The following GTF2IRD1 variants were observed in gnomAD, a reference collection of about 807,000 sequenced individuals.
GTF2IRD1 encodes GTF2I repeat domain containing 1, also known as general transcription factor II-I repeat domain-containing protein 1.
GTF2IRD1 carries 26 observed loss-of-function variants against 113.2 expected under a neutral mutation model. The observed-to-expected ratio is 0.23, with a 90% confidence interval of 0.17 to 0.32. The LOEUF is 0.32. Among genes scored for constraint, GTF2IRD1 ranks in the 10% least tolerant of loss-of-function variants. The probability of loss-of-function intolerance (pLI) is 1.00; values close to 1 mark genes in which losing one functional copy is unlikely to be tolerated. For missense variants in GTF2IRD1, 864 were observed against 1,280.8 expected (o/e 0.67, Z 4.97); for synonymous variants, 484 against 529.1 (o/e 0.91, Z 1.17).
chr7:74,575,680 A>G (rs1554364310), intron 22 of GTF2IRD1, among the ~76,000 whole-genome samples: 1 of 152,168 alleles, frequency 6.6e-6, no homozygotes, highest in African/African-American at 2.4e-5. Flanking sequence ...TCAGAGGTTC[A>G]GGCTGAACTT....
intron 1 of GTF2IRD1, among the ~76,000 whole-genome samples, chr7:74,458,166 C>T (rs189047943): frequency 4.0e-4 from 61 of 152,192 alleles, no homozygotes; most frequent in Non-Finnish European, 7.2e-4. Context: ...ACACTGCGCC[C>T]GGTCCTGAGT....
intron 1 of GTF2IRD1, among the ~76,000 whole-genome samples, chr7:74,491,641 C>T (rs964066061): frequency 1.3e-5 from 2 of 152,134 alleles, no homozygotes; most frequent in African/African-American, 2.4e-5. Flanking sequence ...ATCCATGTCC[C>T]TGCAAAGAAC....
intron 1 of GTF2IRD1, among the ~76,000 whole-genome samples, chr7:74,471,315 C>T (rs977125048): frequency 3.2e-4 from 48 of 151,968 alleles, no homozygotes; most frequent in African/African-American, 9.7e-4. Flanking sequence ...GCAGGAGGAT[C>T]GCTTGAGGTC....
intron 8 of GTF2IRD1, among the ~76,000 whole-genome samples, chr7:74,525,022 G>A (rs1157558416): frequency 6.6e-6 from 1 of 152,126 alleles, no homozygotes; most frequent in Admixed American, 6.6e-5. Flanking sequence ...GGGTGACAGA[G>A]CGAGACCCTA....
intron 1 of GTF2IRD1, among the ~76,000 whole-genome samples, chr7:74,477,838 G>A (rs928138533): frequency 1.3e-5 from 2 of 152,082 alleles, no homozygotes; most frequent in African/African-American, 4.8e-5. Flanking sequence ...GCTTTTTTCC[G>A]TCCAGCCTTT....
rs1799531558 is a variant in GTF2IRD1 at position 74,555,392 on chromosome 7, G to T, written c.1967-46G>T. On this transcript the variant is annotated intron_variant, in intron 18 of 26. Transcript: ENST00000424337. This position sits in a 1 kb window ranked among gnomAD's most constrained non-coding sequence, Gnocchi z 5.3. The stretch of plus-strand genomic sequence containing the variant: ...CCTAACGATGCCATCTTGGGTCCCA[G>T]GAACTGCCTCCTCACTTGGCTTCTC... The T allele has an allele frequency of 6.2e-7, 1 of 1,610,870 alleles. No homozygotes were observed. Among genetic ancestry groups the T allele is most frequent in the Non-Finnish European group, 8.5e-7 (1 of 1,177,074 alleles).
chr7:74,559,741 C>G lies in GTF2IRD1; in HGVS notation c.2320+86C>G, dbSNP rs1799837154. 4 of 1,154,764 alleles carry G rather than the reference C, an allele frequency of 3.5e-6. No individual in the cohort carries two copies. In the South Asian group the frequency reaches 6.4e-5, roughly 19 times the overall value. 71.5% of individuals were successfully genotyped at this position (1,154,764 alleles called of 1,614,324 possible). On this transcript the variant is annotated intron_variant, in intron 22 of 26. Transcript: ENST00000424337. ...CTGGAGCTAAGCCTGCTGTGGGGCA[C>G]AGGTTCTGGGGTCTGGGAACAGAAG...
At chr7:74,574,707 C>T (rs1800916323) in intron 22 of GTF2IRD1, among the ~76,000 whole-genome samples, 1 of 151,444 alleles carries the variant, frequency 6.6e-6, no homozygotes, top group African/African-American at 2.4e-5. Flanking sequence ...GTAATCCACA[C>T]ACCTCTAACT....
At position 74,555,460 on chromosome 7, in the gene GTF2IRD1, G is replaced by C. The variant is rs781878498; in HGVS notation, c.1989G>C (p.Leu663=). ...CAGAGAGGGATTCCGGGGACCCTCT[G>C]GTGGACGAGAGCCTGAAGAGACAGG... The part of the protein sequence containing the change: ...DSQERDSGDP[L]VDESLKRQGF... Residue 663 remains leucine (L), a synonymous_variant, in exon 19 of 27, where the codon CTG becomes CTC. Transcript: ENST00000424337. The surrounding 1 kb of genome is among the most constrained non-coding windows in gnomAD (Gnocchi z 5.3). The C allele has an allele frequency of 2.5e-6, 4 of 1,613,130 alleles. No individual in the cohort carries two copies. Among genetic ancestry groups the C allele is most frequent in the African/African-American group, 1.3e-5 (1 of 74,900 alleles).
chr7:74,584,241 C>G (rs1293382226), intron 22 of GTF2IRD1, among the ~76,000 whole-genome samples: 1 of 152,074 alleles, frequency 6.6e-6, no homozygotes, highest in South Asian at 2.1e-4. Flanking sequence ...GTCAGGAGTT[C>G]GAGACTGGCC....
chr7:74,578,210 C>T (rs1262593546), intron 22 of GTF2IRD1, among the ~76,000 whole-genome samples: 1 of 152,138 alleles, frequency 6.6e-6, no homozygotes, highest in South Asian at 2.1e-4. Flanking sequence ...GAGACGGAGT[C>T]TCGCACTGTC....
At chr7:74,571,014 C>T in intron 22 of GTF2IRD1, 1 of 797,744 alleles carries the variant, frequency 1.3e-6, no homozygotes, top group Non-Finnish European at 1.5e-6. Context: ...GGACCCAGGC[C>T]AGCTTCCGCT....
rs782187064 is a variant in GTF2IRD1, at chr7:74,601,144, G to A, written c.2730G>A (p.Pro910=). The A allele has an allele frequency of 3.9e-5, 63 of 1,609,112 alleles. No individual in the cohort carries two copies. The highest frequency in any genetic ancestry group is 2.7e-4 in the East Asian group (12 of 44,818). Residue 910 remains proline, a synonymous_variant, in exon 26 of 27, where the codon CCG becomes CCA. Coordinates refer to ENST00000424337, the MANE Select transcript of GTF2IRD1 (RefSeq NM_005685.4). ...SSSSSSSSSN[P]DSVASANQIS... ...CTTCCTCTTCCTCGTCCTCTAACCC[G>A]GATTCAGTGGCATCGGCCAACCAGA...
At chr7:74,573,787 C>T (rs1160022345) in intron 22 of GTF2IRD1, among the ~76,000 whole-genome samples, 1 of 152,130 alleles carries the variant, frequency 6.6e-6, no homozygotes, top group Non-Finnish European at 1.5e-5. Context: ...GCCATGCAGG[C>T]CTAGCCCTCT....
At chr7:74,496,573 G>T (rs201546287) in intron 1 of GTF2IRD1, among the ~76,000 whole-genome samples, 3 of 138,712 alleles carry the variant, frequency 2.2e-5, no homozygotes, top group Non-Finnish European at 4.7e-5. Flanking sequence ...TACATGTGTG[G>T]GTGTGCATGT....
At chr7:74,526,756 T>C (rs1797623445) in intron 8 of GTF2IRD1, among the ~76,000 whole-genome samples, 1 of 151,736 alleles carries the variant, frequency 6.6e-6, no homozygotes, top group African/African-American at 2.4e-5. Flanking sequence ...AAAGGACCAA[T>C]TGCTCAAGGG....
In GTF2IRD1 at chr7:74,518,321, A is replaced by G. The variant is rs797028461; in HGVS notation, c.604A>G (p.Arg202Gly). ...HSHRIRFKLK[R>G]PLEDGGRDSK... ...CCACCGCATCCGCTTCAAGCTCAAG[A>G]GGTGAGTGAGGTAGCCGGCCCGGGG... The change falls in exon 5 of 27, where the codon AGG becomes GGG. Residue 202 changes from arginine (R) to glycine (G), a missense_variant and splice_region_variant. This residue lies in a region of GTF2IRD1 where 195 missense variants were observed against 196.6 expected (regional missense o/e 0.99). Transcript: ENST00000424337. The G allele has an allele frequency of 8.9e-6, 14 of 1,580,714 alleles. No individual in the cohort carries two copies. The African/African-American group carries it at 1.9e-4, about 21-fold the overall frequency.
intron 22 of GTF2IRD1, among the ~76,000 whole-genome samples, chr7:74,568,387 G>A (rs1185191941): frequency 7.8e-4 from 116 of 148,498 alleles, no homozygotes; most frequent in African/African-American, 2.6e-3. Context: ...GGTGGCTCAC[G>A]CCTATAATCC....
At chr7:74,545,831 G>T (rs375385469) in intron 16 of GTF2IRD1, 22 bp downstream of exon 16, 2 of 1,589,174 alleles carry the variant, frequency 1.3e-6, no homozygotes, top group Non-Finnish European at 1.7e-6. Flanking sequence ...GTGGGACAGG[G>T]TCTGGGGGCA....
Sources: gnomAD v4.1 joint callset for allele counts (sites outside exome capture counted in the v4.1 genomes callset) on GRCh38, gnomAD v4.1.1 for gene constraint, gnomAD v4.1.1 regional missense constraint, Gnocchi (gnomAD v3.1) non-coding constraint, MANE v1.5 for transcripts, NCBI Gene and HGNC (gene_info 2026-07-23, HGNC 2026-07-21) for gene names.